The following CDKL2 variants were observed in gnomAD, a reference collection of about 807,000 sequenced individuals.
The protein encoded by CDKL2 is cyclin-dependent kinase-like 2.
Under a neutral mutation model 63.9 loss-of-function variants are expected in CDKL2, and 64 were observed. The ratio of observed to expected loss-of-function variants is 1.00; its 90% CI spans 0.82 to 1.23. CDKL2 has a LOEUF of 1.23. CDKL2 is among the 50% of genes most tolerant of loss of function. The probability of loss-of-function intolerance (pLI) is 0.00; values close to 1 mark genes in which losing one functional copy is unlikely to be tolerated. For missense variants in CDKL2, 656 were observed against 668.0 expected, an observed-to-expected ratio of 0.98 and a Z score of 0.20; for synonymous variants, 211 against 229.2, an observed-to-expected ratio of 0.92 and a Z score of 0.72.
chr4:75,603,050 A>ACTG (rs1207791793), intron 6 of CDKL2, among the ~76,000 whole-genome samples: 1 of 125,782 alleles, frequency 8.0e-6, no homozygotes, highest in African/African-American at 3.2e-5. Context: ...CGGACTGCGG[A>ACTG]CTGCAGTGGC....
Position 75,603,997 on chromosome 4 carries a change from A to G in CDKL2, c.656-41T>C, listed in dbSNP as rs191616437. ...GCACATATCTCTGTTATTATACAAC[A>G]TGATAGAAATGGTGAAGAGACAGGT... On this transcript the variant is annotated intron_variant, in intron 5 of 13. Transcript: ENST00000307465. The G allele has an allele frequency of 3.6e-4, 554 of 1,560,050 alleles. 5 individuals are homozygous for G. The East Asian group carries it at 0.011, about 30-fold the overall frequency.
intron 12 of CDKL2, among the ~76,000 whole-genome samples, chr4:75,584,379 A>G (rs146247882): frequency 6.8e-4 from 104 of 152,312 alleles, no homozygotes; most frequent in African/African-American, 2.5e-3. Context: ...CTTCTGCCCT[A>G]CAACCATATG....
chr4:75,614,109 C>A, intron 3 of CDKL2, 146 bp downstream of exon 3: 1 of 538,438 alleles, frequency 1.9e-6, no homozygotes, highest in South Asian at 3.1e-5. Flanking sequence ...TATTTAACTC[C>A]AATTAATAGA....
intron 3 of CDKL2, among the ~76,000 whole-genome samples, chr4:75,613,456 C>G (rs1482041121): frequency 2.6e-5 from 4 of 151,988 alleles, no homozygotes; most frequent in Non-Finnish European, 5.9e-5. Context: ...ATTTATTACT[C>G]TTATAATCAC....
chr4:75,583,222 A>C (rs1728334527), intron 12 of CDKL2, among the ~76,000 whole-genome samples: 1 of 152,240 alleles, frequency 6.6e-6, no homozygotes, highest in African/African-American at 2.4e-5. Flanking sequence ...GGTTCTGGAG[A>C]TATGTAAATG....
intron 12 of CDKL2, among the ~76,000 whole-genome samples, chr4:75,586,671 C>T: frequency 6.6e-6 from 1 of 151,948 alleles, no homozygotes; most frequent in East Asian, 1.9e-4. Flanking sequence ...GAATAACATA[C>T]AGCTAATTTT....
At chr4:75,614,753 T>C (rs919674292) in intron 2 of CDKL2, among the ~76,000 whole-genome samples, 3 of 151,734 alleles carry the variant, frequency 2.0e-5, no homozygotes, top group African/African-American at 7.3e-5. Flanking sequence ...ACAAATGAGA[T>C]GGGACTACTA....
intron 6 of CDKL2, among the ~76,000 whole-genome samples, chr4:75,601,879 C>CA (rs1237756935): frequency 6.6e-6 from 1 of 151,982 alleles, no homozygotes; most frequent in Non-Finnish European, 1.5e-5. Context: ...AATTAAAAAA[C>CA]AAAAAAATTG....
intron 7 of CDKL2, among the ~76,000 whole-genome samples, chr4:75,599,388 C>T (rs2148879814): frequency 6.6e-6 from 1 of 151,932 alleles, no homozygotes; most frequent in South Asian, 2.1e-4. Flanking sequence ...ACAGAGAAAC[C>T]CCATCTCTAC....
intron 2 of CDKL2, among the ~76,000 whole-genome samples, chr4:75,620,260 A>G (rs1730100888): frequency 6.6e-6 from 1 of 152,200 alleles, no homozygotes; most frequent in Non-Finnish European, 1.5e-5. Context: ...GAAGATAAGC[A>G]GGCACACAAT....
At chr4:75,626,536 A>ACTCG in intron 1 of CDKL2, among the ~76,000 whole-genome samples, 1 of 152,026 alleles carries the variant, frequency 6.6e-6, no homozygotes, top group Non-Finnish European at 1.5e-5. Flanking sequence ...ACTTGGTGGC[A>ACTCG]GGCGCCTGTA....
chr4:75,625,310 G>A (rs1019684967), intron 2 of CDKL2, among the ~76,000 whole-genome samples: 4 of 152,104 alleles, frequency 2.6e-5, no homozygotes, highest in African/African-American at 7.2e-5. Context: ...CCTAGAAAAT[G>A]TCCATGATTG....
At chr4:75,627,212 A>G (rs1219359381) in intron 1 of CDKL2, among the ~76,000 whole-genome samples, 1 of 151,888 alleles carries the variant, frequency 6.6e-6, no homozygotes, top group Admixed American at 6.6e-5. Context: ...CAAAAAAAAA[A>G]AAGCACAATT....
chr4:75,619,262 T>C (rs1730056268), intron 2 of CDKL2, among the ~76,000 whole-genome samples: 1 of 152,014 alleles, frequency 6.6e-6, no homozygotes, highest in South Asian at 2.1e-4. Context: ...ATGTTTAAAC[T>C]AGCAAATACA....
chr4:75,599,548 C>CAAAAAAAAAAAAAAAAAAAAAAAAAAA (rs71657365), intron 7 of CDKL2, among the ~76,000 whole-genome samples: 1 of 69,654 alleles, frequency 1.4e-5, no homozygotes, highest in Non-Finnish European at 2.6e-5. Flanking sequence ...GCAACAAGAG[C>CAAAAAAAAAAAAAAAAAAAAAAAAAAA]AAAAAAAAAA....
chr4:75,580,899 A>G (rs1463636480), intron 13 of CDKL2, among the ~76,000 whole-genome samples: 1 of 151,128 alleles, frequency 6.6e-6, no homozygotes, highest in Admixed American at 6.6e-5. Context: ...ACGGGGTTTC[A>G]CCGTGTTAGC....
intron 5 of CDKL2, 120 bp downstream of exon 5, chr4:75,605,402 T>C (rs1729378820): frequency 3.2e-6 from 2 of 626,944 alleles, no homozygotes; most frequent in Non-Finnish European, 5.7e-6. Context: ...ATATGCTCCC[T>C]ACCTTCACTT....
chr4:75,600,924 T>A (rs1242963882), intron 6 of CDKL2, among the ~76,000 whole-genome samples: 1 of 152,210 alleles, frequency 6.6e-6, no homozygotes, highest in Admixed American at 6.5e-5. Flanking sequence ...AAAATCAACC[T>A]GATTCTGATC....
intron 10 of CDKL2, among the ~76,000 whole-genome samples, chr4:75,592,856 T>C (rs1728773028): frequency 1.3e-5 from 2 of 152,210 alleles, no homozygotes; most frequent in African/African-American, 4.8e-5. Context: ...TGATCTTTCT[T>C]AGTACTATTA....
Sources: gnomAD v4.1 joint callset for allele counts (sites outside exome capture counted in the v4.1 genomes callset) on GRCh38, gnomAD v4.1.1 for gene constraint, MANE v1.5 for transcripts, NCBI Gene and HGNC (gene_info 2026-07-23, HGNC 2026-07-21) for gene names.